IRS4: variants seen among roughly 807,000 people sequenced by gnomAD.
IRS4 encodes 160 kDa phosphotyrosine protein.
A neutral mutation model predicts 48.6 loss-of-function variants in IRS4; 15 were observed. That is an observed-to-expected ratio of 0.31 (90% CI 0.21 to 0.48). The LOEUF is 0.48. IRS4 is among the 20% of genes least tolerant of loss of function. The pLI is 0.99. For synonymous variants in IRS4, 459 were observed against 413.2 expected (o/e 1.11, Z -1.34); for missense variants, 987 against 1,023.4 (o/e 0.96, Z 0.49).
rs1317496961 is a variant in IRS4, at chrX:108,733,317, T to C, written c.3028A>G (p.Ile1010Val). 8.3e-7 allele frequency: 1 copy of C among 1,209,500 alleles called. No homozygotes were observed. The highest frequency in any genetic ancestry group is 1.1e-6 in the Non-Finnish European group (1 of 894,832). ...LPLSATGSNA[I>V]EEEGDYIEVI... ...TCAATGTAGTCACCCTCTTCCTCAA[T>C]AGCATTGCTACCTGTAGCACTGAGG... The change falls in exon 1 of 2, where the codon ATT becomes GTT. Residue 1010 changes from isoleucine (I) to valine (V), a missense_variant. Coordinates refer to ENST00000372129, the MANE Select transcript of IRS4 (RefSeq NM_001379150.1).
Position 108,736,552 on chromosome X carries a change from T to C in IRS4, c.-208A>G, listed in dbSNP as rs1388959549. Reference sequence around the variant, plus strand: ...ACGCGGCGGCCGCTGCGGATCCTGCTACCGGCGCAATGGAGGGGCGCGAGC... The same window carrying C: ...ACGCGGCGGCCGCTGCGGATCCTGCCACCGGCGCAATGGAGGGGCGCGAGC... On this transcript the variant is annotated 5_prime_UTR_variant, in exon 1 of 2. Coordinates refer to ENST00000372129, the MANE Select transcript of IRS4 (RefSeq NM_001379150.1). 6 of 609,222 alleles carry C rather than the reference T, an allele frequency of 9.8e-6. No homozygotes were observed. The highest frequency in any genetic ancestry group is 2.3e-5 in the African/African-American group (1 of 44,007). The allele number at this position is 609,222 out of a possible 1,213,427, so 50.2% of individuals were successfully genotyped here.
In IRS4 at chrX:108,733,718, G is replaced by A. The variant is rs1482953507; in HGVS notation, c.2627C>T (p.Pro876Leu). The change falls in exon 1 of 2, where the codon CCT becomes CTT. Residue 876 changes from proline (P) to leucine (L), a missense_variant. This residue lies in a region of IRS4 where 720 missense variants were observed against 660.3 expected (regional missense o/e 1.09). Transcript: ENST00000372129. ...KPGDGGSPSK[P>L]SDHEPPKNKA... is the part of the protein sequence containing the mutation. ...ATTCTTTGGGGGCTCATGATCTGAA[G>A]GCTTTGAAGGTGATCCCCCATCTCC... The A allele has an allele frequency of 8.3e-7, 1 of 1,211,736 alleles. No individual in the cohort carries two copies. The highest frequency in any genetic ancestry group is 2.2e-5 in the Admixed American group (1 of 46,046).
rs1484592236 is a variant in IRS4, at chrX:108,732,620, T to A, written c.3725A>T (p.Asp1242Val). The change falls in exon 1 of 2, where the codon GAT (aspartate) becomes GTT (valine). Residue 1242 changes from aspartate to valine, a missense_variant. Physicochemically the swap from Asp to Val is radical, Grantham distance 152. Transcript: ENST00000372129. ...DNDDDTHVRMDFARRDNQFDS... is the reference protein window; with the variant it reads ...DNDDDTHVRMVFARRDNQFDS... Reference sequence around the variant, plus strand: ...GAACTGATTATCACGTCTGGCAAAATCCATTCTCACGTGAGTGTCGTCGTC... The same window carrying A: ...GAACTGATTATCACGTCTGGCAAAAACCATTCTCACGTGAGTGTCGTCGTC... The A allele has an allele frequency of 8.3e-7, 1 of 1,209,765 alleles. No individual in the cohort carries two copies. The highest frequency in any genetic ancestry group is 3.0e-5 in the East Asian group (1 of 33,741).
Position 108,734,872 on chromosome X carries a change from G to A in IRS4, c.1473C>T (p.Asn491=), listed in dbSNP as rs138444058. The stretch of plus-strand genomic sequence containing the variant: ...CCCGGCCATTTCCTGAGCCCCAATT[G>A]TTCATAGGCATGTAGTCACCTCCGC... ...EGSGGDYMPM[N]NWGSGNGRGS... The change falls in exon 1 of 2, where the codon AAC becomes AAT. Residue 491 remains asparagine, a synonymous_variant. Coordinates refer to ENST00000372129, the MANE Select transcript of IRS4 (RefSeq NM_001379150.1). 1.0e-4 allele frequency: 127 copies of A among 1,210,263 alleles called. No homozygotes were observed. Among genetic ancestry groups the A allele is most frequent in the Non-Finnish European group, 1.4e-4 (125 of 895,303 alleles).
chrX:108,723,480 A>G (rs2068863011), intron 1 of IRS4: 1 of 111,894 alleles, frequency 8.9e-6, no homozygotes, highest in Non-Finnish European at 1.9e-5. Context: ...AAATGTAACA[A>G]ATTTGCAGCT....
At position 108,736,216 on chromosome X, in the gene IRS4, G is replaced by T; in HGVS notation, c.129C>A (p.Leu43=). The stretch of plus-strand genomic sequence containing the variant: ...CCGGACAAGACGACCCGGTCCCAAT[G>T]AGTGCGGTCGGGGTTCCCGAGGAAA... ...PLLSSGTPTA[L]IGTGSSCPGA... Residue 43 remains leucine, a synonymous_variant, in exon 1 of 2, where the codon CTC becomes CTA. Transcript: ENST00000372129. 1 of 1,210,835 alleles carries T rather than the reference G, an allele frequency of 8.3e-7. No individual in the cohort carries two copies. The highest frequency in any genetic ancestry group is 1.1e-6 in the Non-Finnish European group (1 of 895,299).
chrX:108,723,530 C>T (rs922654428), intron 1 of IRS4: 2 of 111,679 alleles, frequency 1.8e-5, no homozygotes, highest in African/African-American at 6.5e-5. Flanking sequence ...TTCCCTCTTA[C>T]TAGTTGTGTC....
rs1351552758 is a variant in IRS4, at chrX:108,733,039, A to C, written c.3306T>G (p.Ala1102=). The change falls in exon 1 of 2, where the codon GCT becomes GCG. Residue 1102 remains alanine (A), a synonymous_variant. Transcript: ENST00000372129. ...CTCTCTCGAGGCTGTCTGTTGGAAA[A>C]GCAGAGACAGCGGCTCTGGCTGCTG... ...FFAAARAAVS[A]FPTDSLERDL... The C allele has an allele frequency of 8.3e-7, 1 of 1,211,553 alleles. No individual in the cohort carries two copies. The highest frequency in any genetic ancestry group is 1.1e-6 in the Non-Finnish European group (1 of 895,333).
At chrX:108,722,813 A>G (rs1469638001) in intron 1 of IRS4, 1 of 135,902 alleles carries the variant, frequency 7.4e-6, no homozygotes, top group Non-Finnish European at 1.5e-5. Context: ...GCACTGTTCT[A>G]CTTTCTTCCA....
At chrX:108,732,392 G>T in intron 1 of IRS4, 187 bp downstream of exon 1, 1 of 680,451 alleles carries the variant, frequency 1.5e-6, no homozygotes, top group Non-Finnish European at 2.1e-6. Context: ...TAAAGAAATT[G>T]ATTAGATAAA....
rs1187459394 is a variant in IRS4, at chrX:108,733,986, C to A, written c.2359G>T (p.Gly787Cys). 1.7e-6 allele frequency: 2 copies of A among 1,211,335 alleles called. No individual in the cohort carries two copies. Among genetic ancestry groups the A allele is most frequent in the Non-Finnish European group, 2.2e-6 (2 of 895,290 alleles). The change falls in exon 1 of 2, where the codon GGT (glycine) becomes TGT (cysteine). Residue 787 changes from glycine (G) to cysteine (C), a missense_variant. Around this residue, in one of 4 missense-constraint regions of IRS4, gnomAD observed 720 missense variants for 660.3 expected, o/e 1.09. Coordinates refer to ENST00000372129, the MANE Select transcript of IRS4 (RefSeq NM_001379150.1). ...TTTCTGGGGTTTTTTGGAATTGCAC[C>A]GGCTCCAGGAGCCATAAACATGTAG... ...SDYMFMAPGA[G>C]AIPKNPRNPQ...
intron 1 of IRS4, among the ~76,000 whole-genome samples, chrX:108,731,035 G>C (rs779162490): frequency 1.8e-5 from 2 of 111,180 alleles, no homozygotes; most frequent in East Asian, 5.6e-4. Context: ...GATCATGTGT[G>C]TTTGTGTGTG....
rs1383226023 is a variant in IRS4, at chrX:108,735,682, C to A, written c.663G>T (p.Ala221=). The change falls in exon 1 of 2, where the codon GCG becomes GCT. Residue 221 remains alanine, a synonymous_variant. Transcript: ENST00000372129. The stretch of plus-strand genomic sequence containing the variant: ...AGGGTGGCTCCGCCGCCGCTGCCGC[C>A]GCCAGCGCGGCCGGCTCTCCGTCCG... ...AQPDGEPAAL[A]AAAAAEPPFY... 5 of 1,184,145 alleles carry A rather than the reference C, an allele frequency of 4.2e-6. No individual in the cohort carries two copies. The highest frequency in any genetic ancestry group is 5.7e-6 in the Non-Finnish European group (5 of 882,057).
chrX:108,725,233 C>A (rs1188989163), intron 1 of IRS4, among the ~76,000 whole-genome samples: 2 of 110,696 alleles, frequency 1.8e-5, no homozygotes, highest in Non-Finnish European at 3.8e-5. Flanking sequence ...TTCCTCTGCT[C>A]AGAGAAAGGT....
rs1442547894 is a variant in IRS4, at chrX:108,735,574, A to G, written c.771T>C (p.Cys257=). The part of the protein sequence containing the change: ...RKELSGVFRL[C]LTDEEVVFVR... The stretch of plus-strand genomic sequence containing the variant: ...CAAACACGACCTCCTCGTCGGTTAG[A>G]CACAGCCGGAACACGCCGCTCAGCT... The change falls in exon 1 of 2, where the codon TGT becomes TGC. Residue 257 remains cysteine (C), a synonymous_variant. Transcript: ENST00000372129. 8 of 1,206,398 alleles carry G rather than the reference A, an allele frequency of 6.6e-6. No homozygotes were observed.
intron 1 of IRS4, chrX:108,726,634 G>A (rs960545590): frequency 8.9e-6 from 1 of 112,131 alleles, no homozygotes; most frequent in African/African-American, 3.2e-5. Context: ...TTAATTGTGA[G>A]ATGGAAACTT....
At chrX:108,722,610 CA>C (rs1378792418) in intron 1 of IRS4, 87 bp from the exon 2 acceptor site, 2 of 272,378 alleles carry the variant, frequency 7.3e-6, no homozygotes, top group Non-Finnish European at 1.4e-5. Flanking sequence ...CAAAACAACA[CA>C]AAACAAAACA....
intron 1 of IRS4, among the ~76,000 whole-genome samples, chrX:108,731,220 GT>G (rs2068900735): frequency 9.0e-6 from 1 of 110,702 alleles, no homozygotes; most frequent in Non-Finnish European, 1.9e-5. Flanking sequence ...AAAAGGGGAT[GT>G]GGGGGGGCTA....
intron 1 of IRS4, among the ~76,000 whole-genome samples, chrX:108,730,588 T>C (rs1168151423): frequency 8.9e-6 from 1 of 111,922 alleles, no homozygotes; most frequent in Non-Finnish European, 1.9e-5. Flanking sequence ...GCTTCCTTGC[T>C]AAAGTCACTC....
Sources: gnomAD v4.1 joint callset for allele counts (sites outside exome capture counted in the v4.1 genomes callset) on GRCh38, gnomAD v4.1.1 for gene constraint, gnomAD v4.1.1 regional missense constraint, MANE v1.5 for transcripts, NCBI Gene and HGNC (gene_info 2026-07-23, HGNC 2026-07-21) for gene names.